GALNTL6: variants seen among roughly 807,000 people sequenced by gnomAD.
GALNTL6 encodes the protein polypeptide N-acetylgalactosaminyltransferase-like 6.
Under a neutral mutation model 73.7 loss-of-function variants are expected in GALNTL6, and 46 were observed. The ratio of observed to expected loss-of-function variants is 0.62; its 90% CI spans 0.49 to 0.80. The LOEUF (loss-of-function observed/expected upper bound fraction) is 0.80. Among genes scored for constraint, GALNTL6 ranks in the 30% least tolerant of loss-of-function variants. The probability of loss-of-function intolerance (pLI) is 0.00; values close to 1 mark genes in which losing one functional copy is unlikely to be tolerated. For missense variants in GALNTL6, 604 were observed against 755.0 expected (o/e 0.80, Z 2.34); for synonymous variants, 259 against 263.7 (o/e 0.98, Z 0.17).
intron 2 of GALNTL6, among the ~76,000 whole-genome samples, chr4:172,171,156 C>T (rs1579209320): frequency 6.6e-6 from 1 of 152,280 alleles, no homozygotes; most frequent in African/African-American, 2.4e-5. Context: ...AGATCAAAGT[C>T]AGTGTTTGGA....
At chr4:171,863,799 C>T (rs1735900846) in intron 2 of GALNTL6, among the ~76,000 whole-genome samples, 1 of 151,938 alleles carries the variant, frequency 6.6e-6, no homozygotes, top group African/African-American at 2.4e-5. Context: ...CTCTTGTCGC[C>T]CAAGCTGCAG....
chr4:172,319,082 A>G (rs1363396284), intron 4 of GALNTL6, among the ~76,000 whole-genome samples: 2 of 152,206 alleles, frequency 1.3e-5, no homozygotes, highest in Admixed American at 6.5e-5. Context: ...ACAGAAGTTT[A>G]CTGAAATGAC....
At chr4:172,159,621 TAAAG>T (rs1734392169) in intron 2 of GALNTL6, among the ~76,000 whole-genome samples, 2 of 152,102 alleles carry the variant, frequency 1.3e-5, no homozygotes, top group African/African-American at 2.4e-5. Flanking sequence ...TGAAGGAACT[TAAAG>T]GAAGTTTCAG....
At chr4:171,995,006 C>G (rs546551701) in intron 2 of GALNTL6, among the ~76,000 whole-genome samples, 135 of 151,802 alleles carry the variant, frequency 8.9e-4, no homozygotes, top group Admixed American at 1.4e-3. Context: ...TAAAAATAAA[C>G]TCTCTAGAAA....
rs1262780157 is a variant in GALNTL6, at chr4:172,179,658, T to G, written c.139-49998T>G. Among the ~76,000 whole-genome samples the G allele has an allele frequency of 4.7e-5, 7 of 148,650 alleles. No individual in the cohort carries two copies. The East Asian group carries it at 7.7e-4, about 16-fold the overall frequency. The stretch of plus-strand genomic sequence containing the variant: ...TTTGCTGTGCAGAAGCTCTTTAGTT[T>G]AATTAGATCCCATTTGTCAATTTTG... On this transcript the variant is annotated intron_variant, in intron 2 of 12. Transcript: ENST00000506823.
chr4:172,173,703 A>T (rs1358942976), intron 2 of GALNTL6, among the ~76,000 whole-genome samples: 2 of 152,214 alleles, frequency 1.3e-5, no homozygotes, highest in Non-Finnish European at 2.9e-5. Context: ...TATTGGAAGA[A>T]GTAAAGAATT....
At chr4:172,249,862 G>A (rs138345892) in intron 3 of GALNTL6, among the ~76,000 whole-genome samples, 2 of 152,302 alleles carry the variant, frequency 1.3e-5, no homozygotes, top group East Asian at 1.9e-4. Context: ...TTGCAGCATG[G>A]GTGGACCCCT....
chr4:172,519,580 G>C (rs1351838510), intron 5 of GALNTL6, among the ~76,000 whole-genome samples: 1 of 150,304 alleles, frequency 6.7e-6, no homozygotes, highest in Non-Finnish European at 1.5e-5. Context: ...GGATTGCATG[G>C]TTTCTTCCAC....
Position 172,223,977 on chromosome 4 carries a change from C to T in GALNTL6, c.139-5679C>T, listed in dbSNP as rs145401212. ...AATCATGCCTAATACAAGAATCATACCCATCACAATATTTTGTTAACATCT... is the reference window on the plus strand; with the variant it reads ...AATCATGCCTAATACAAGAATCATATCCATCACAATATTTTGTTAACATCT... On this transcript the variant is annotated intron_variant, in intron 2 of 12. Coordinates refer to ENST00000506823, the MANE Select transcript of GALNTL6 (RefSeq NM_001034845.3). 8.7e-4 allele frequency among the ~76,000 whole-genome samples: 132 copies of T among 152,116 alleles called. 2 individuals are homozygous for T. The East Asian group carries it at 0.022, about 25-fold the overall frequency.
In GALNTL6 at chr4:172,796,442, C is replaced by T. The variant is rs548957692; in HGVS notation, c.554-12919C>T. 5.9e-5 allele frequency among the ~76,000 whole-genome samples: 9 copies of T among 152,242 alleles called. No individual in the cohort carries two copies. In the South Asian group the frequency reaches 1.9e-3, roughly 32 times the overall value. On this transcript the variant is annotated intron_variant, in intron 5 of 12. Coordinates refer to ENST00000506823, the MANE Select transcript of GALNTL6 (RefSeq NM_001034845.3). ...AAATAAGTTAATACATGAATACACC[C>T]AAGAATCATGTCTGACAATATCATA...
At chr4:172,566,789 GA>G (rs899232728) in intron 5 of GALNTL6, among the ~76,000 whole-genome samples, 4 of 150,140 alleles carry the variant, frequency 2.7e-5, no homozygotes, top group Admixed American at 1.3e-4. Context: ...GCTAGACTAG[GA>G]AAAAAAAAGA....
intron 5 of GALNTL6, among the ~76,000 whole-genome samples, chr4:172,749,092 G>GT (rs34281651): frequency 0.014 from 2,108 of 147,254 alleles, 45 homozygotes; most frequent in African/African-American, 0.048. Flanking sequence ...GTTGTTGTTT[G>GT]TTTTTTTTTT....
chr4:172,011,068 CACA>C (rs751217194), intron 2 of GALNTL6, among the ~76,000 whole-genome samples: 3 of 151,916 alleles, frequency 2.0e-5, no homozygotes, highest in Non-Finnish European at 4.4e-5. Context: ...TTTTAATTTG[CACA>C]ACAAATATAT....
intron 2 of GALNTL6, among the ~76,000 whole-genome samples, chr4:172,097,946 C>T (rs1732404883): frequency 6.6e-6 from 1 of 151,586 alleles, no homozygotes; most frequent in South Asian, 2.1e-4. Context: ...TCTGCTTGGT[C>T]TGCCACAGAA....
chr4:172,893,626 C>T (rs1183947852), intron 8 of GALNTL6, among the ~76,000 whole-genome samples: 4 of 152,194 alleles, frequency 2.6e-5, no homozygotes, highest in Non-Finnish European at 5.9e-5. Flanking sequence ...GCACAAAGAT[C>T]AGATGCACCC....
chr4:172,326,994 A>G (rs185051986), intron 4 of GALNTL6, among the ~76,000 whole-genome samples: 85 of 152,074 alleles, frequency 5.6e-4, no homozygotes, highest in Non-Finnish European at 7.1e-4. Flanking sequence ...ATTGTGAAAT[A>G]TTTTGCTTCT....
At chr4:172,045,774 A>G (rs1379957555) in intron 2 of GALNTL6, among the ~76,000 whole-genome samples, 1 of 151,752 alleles carries the variant, frequency 6.6e-6, no homozygotes, top group Non-Finnish European at 1.5e-5. Flanking sequence ...AAAAAAAAAA[A>G]AGAAAAAAGA....
At position 171,989,280 on chromosome 4, in the gene GALNTL6, G is replaced by A. The variant is rs538088974; in HGVS notation, c.138+174562G>A. Among the ~76,000 whole-genome samples the A allele has an allele frequency of 2.4e-4, 36 of 152,282 alleles. No individual in the cohort carries two copies. The South Asian group carries it at 2.7e-3, about 11-fold the overall frequency. The stretch of plus-strand genomic sequence containing the variant: ...GTCTAGGGGGCTTCTGAGGCGATCC[G>A]GCAGTGTCAGTCTTCAGCCACGAAG... On this transcript the variant is annotated intron_variant, in intron 2 of 12. Transcript: ENST00000506823.
At chr4:172,850,139 C>T (rs4696033) in intron 7 of GALNTL6, among the ~76,000 whole-genome samples, 151,659 of 152,300 alleles carry the variant, frequency 1, 75,514 homozygotes, top group Middle Eastern at 1. Context: ...GGACAGAGCA[C>T]TGGACAGAAG....
Sources: gnomAD v4.1 joint callset for allele counts (sites outside exome capture counted in the v4.1 genomes callset) on GRCh38, gnomAD v4.1.1 for gene constraint, MANE v1.5 for transcripts, NCBI Gene and HGNC (gene_info 2026-07-23, HGNC 2026-07-21) for gene names.